Variants in DOCK4 observed in about 807,000 individuals in gnomAD.
The protein encoded by DOCK4 is dedicator of cytokinesis protein 4.
In DOCK4, 97 loss-of-function variants were observed where a neutral mutation model predicts 268.1. That is an observed-to-expected ratio of 0.36 (90% confidence interval 0.31 to 0.43). DOCK4 has a LOEUF of 0.43. DOCK4 is among the 20% of genes least tolerant of loss of function. The pLI, the probability that DOCK4 is intolerant of heterozygous loss-of-function variation, is 1.00. For synonymous variants in DOCK4, 954 were observed against 887.2 expected (o/e 1.08, Z -1.34); for missense variants, 2,145 against 2,455.7 (o/e 0.87, Z 2.67).
intron 26 of DOCK4, among the ~76,000 whole-genome samples, chr7:111,829,840 T>C (rs547623628): frequency 1.7e-4 from 26 of 152,338 alleles, no homozygotes; most frequent in African/African-American, 6.0e-4. Flanking sequence ...TTTGCCCTTA[T>C]AATCCACTTG....
intron 36 of DOCK4, among the ~76,000 whole-genome samples, chr7:111,776,330 G>A (rs1194506624): frequency 6.6e-6 from 1 of 152,162 alleles, no homozygotes; most frequent in Non-Finnish European, 1.5e-5. Context: ...GACATTCTTT[G>A]CAAAGAAATT....
chr7:111,762,122 T>G (rs1797445553), intron 39 of DOCK4, among the ~76,000 whole-genome samples: 1 of 151,836 alleles, frequency 6.6e-6, no homozygotes, highest in African/African-American at 2.4e-5. Context: ...TAAAATAAAA[T>G]GAAATTTTGG....
intron 1 of DOCK4, among the ~76,000 whole-genome samples, chr7:112,079,041 C>T (rs988629628): frequency 6.6e-6 from 1 of 152,098 alleles, no homozygotes. Context: ...GCAAGAGAAT[C>T]GTTTTAACCT....
intron 20 of DOCK4, among the ~76,000 whole-genome samples, chr7:111,870,327 T>TC (rs1463229164): frequency 4.4e-4 from 65 of 147,464 alleles, no homozygotes; most frequent in African/African-American, 1.5e-3. Flanking sequence ...TCTTTTCTTT[T>TC]TTTTTTTTTT....
Position 111,840,530 on chromosome 7 carries a change from G to T in DOCK4, c.2736+4233C>A, listed in dbSNP as rs940705326. The stretch of plus-strand genomic sequence containing the variant: ...GAACTGATCACAATGGTGCTTTTTT[G>T]TTTTTTTTTTCTAGCTAGGGAAAGC... On this transcript the variant is annotated intron_variant, in intron 25 of 52. Coordinates refer to ENST00000428084, the MANE Select transcript of DOCK4 (RefSeq NM_001363540.2). 2.7e-5 allele frequency among the ~76,000 whole-genome samples: 4 copies of T among 148,062 alleles called. No individual in the cohort carries two copies. In the South Asian group the frequency reaches 6.5e-4, roughly 24 times the overall value.
intron 13 of DOCK4, among the ~76,000 whole-genome samples, chr7:111,909,432 A>C (rs1001074659): frequency 2.0e-5 from 3 of 152,232 alleles, no homozygotes; most frequent in Non-Finnish European, 4.4e-5. Context: ...ACTTTGACCA[A>C]ATAGAAATTT....
intron 1 of DOCK4, among the ~76,000 whole-genome samples, chr7:112,148,375 A>T (rs1320780697): frequency 3.9e-5 from 6 of 152,168 alleles, no homozygotes; most frequent in African/African-American, 4.8e-5. Context: ...GGTGAAGCTT[A>T]TGGACTCCTG....
In DOCK4 at chr7:112,043,412, A is replaced by G. The variant is rs369498497; in HGVS notation, c.38-39281T>C. On this transcript the variant is annotated intron_variant, in intron 1 of 52. Coordinates refer to ENST00000428084, the MANE Select transcript of DOCK4 (RefSeq NM_001363540.2). ...TGTTTTGATTAGTACACAATGATGA[A>G]TTAATAACATAAACACACAACAATG... Among the ~76,000 whole-genome samples the G allele has an allele frequency of 4.6e-5, 7 of 152,246 alleles. No individual in the cohort carries two copies. In the East Asian group the frequency reaches 7.7e-4, roughly 17 times the overall value.
intron 1 of DOCK4, among the ~76,000 whole-genome samples, chr7:112,087,371 T>G (rs919000785): frequency 2.0e-5 from 3 of 152,088 alleles, no homozygotes; most frequent in Non-Finnish European, 4.4e-5. Context: ...AAAATTATCT[T>G]TAGATTTAGA....
At chr7:111,886,472 G>A (rs1807855952) in intron 16 of DOCK4, among the ~76,000 whole-genome samples, 1 of 152,164 alleles carries the variant, frequency 6.6e-6, no homozygotes, top group Non-Finnish European at 1.5e-5. Context: ...ACAACACTGG[G>A]ATAAAGACCA....
At chr7:112,002,917 G>A (rs1800544909) in intron 2 of DOCK4, among the ~76,000 whole-genome samples, 1 of 152,016 alleles carries the variant, frequency 6.6e-6, no homozygotes, top group Non-Finnish European at 1.5e-5. Flanking sequence ...TGAGTGTGGT[G>A]GCATGTGCCT....
At chr7:112,030,955 A>C (rs1017603170) in intron 1 of DOCK4, among the ~76,000 whole-genome samples, 3 of 152,250 alleles carry the variant, frequency 2.0e-5, no homozygotes, top group Admixed American at 2.0e-4. Flanking sequence ...TTAAGGCAGA[A>C]GTCACTGGTC....
chr7:112,016,328 G>C (rs1801802838), intron 1 of DOCK4, among the ~76,000 whole-genome samples: 2 of 152,074 alleles, frequency 1.3e-5, no homozygotes, highest in South Asian at 4.2e-4. Context: ...TGCATTTTTG[G>C]CATGAATATC....
intron 13 of DOCK4, among the ~76,000 whole-genome samples, chr7:111,902,695 G>A (rs1028811577): frequency 2.6e-5 from 4 of 151,860 alleles, no homozygotes; most frequent in African/African-American, 4.8e-5. Flanking sequence ...TGGCAAGGTC[G>A]AATTTATTTT....
At chr7:111,942,343 C>A (rs1272882822) in intron 10 of DOCK4, among the ~76,000 whole-genome samples, 1 of 152,094 alleles carries the variant, frequency 6.6e-6, no homozygotes, top group Admixed American at 6.6e-5. Context: ...GGCCAACATG[C>A]CCTTTTCCTA....
intron 5 of DOCK4, among the ~76,000 whole-genome samples, chr7:111,991,680 C>T (rs917713794): frequency 1.6e-4 from 25 of 151,782 alleles, no homozygotes; most frequent in African/African-American, 5.1e-4. Flanking sequence ...AAGTGCCTGG[C>T]GCTGGGCGAG....
At position 111,969,803 on chromosome 7, in the gene DOCK4, C is replaced by G. The variant is rs569813813; in HGVS notation, c.701+7329G>C. Among the ~76,000 whole-genome samples, 4 of 152,248 alleles carry G rather than the reference C, an allele frequency of 2.6e-5. No homozygotes were observed. In the South Asian group the frequency reaches 8.3e-4, roughly 32 times the overall value. The stretch of plus-strand genomic sequence containing the variant: ...TGGAAAGCATAAACAAATACCATGA[C>G]TCTATCACCATGTAGTACAGAAGCC... On this transcript the variant is annotated intron_variant, in intron 8 of 52. Coordinates refer to ENST00000428084, the MANE Select transcript of DOCK4 (RefSeq NM_001363540.2).
intron 1 of DOCK4, among the ~76,000 whole-genome samples, chr7:112,103,940 C>T (rs996698193): frequency 6.6e-6 from 1 of 152,080 alleles, no homozygotes; most frequent in African/African-American, 2.4e-5. Context: ...GAATAATCCT[C>T]AATAATTTTT....
chr7:111,956,872 T>A (rs912275240), intron 8 of DOCK4, among the ~76,000 whole-genome samples: 2 of 152,188 alleles, frequency 1.3e-5, no homozygotes, highest in Non-Finnish European at 2.9e-5. Flanking sequence ...AGATACATTT[T>A]GCTTTACAAG....
Sources: gnomAD v4.1 joint callset for allele counts (sites outside exome capture counted in the v4.1 genomes callset) on GRCh38, gnomAD v4.1.1 for gene constraint, MANE v1.5 for transcripts, NCBI Gene and HGNC (gene_info 2026-07-23, HGNC 2026-07-21) for gene names.